The following TXNDC16 variants were observed in gnomAD, a reference collection of about 807,000 sequenced individuals.
TXNDC16 encodes thioredoxin domain-containing protein 16.
Under a neutral mutation model 85.6 loss-of-function variants are expected in TXNDC16, and 74 were observed. That is an observed-to-expected ratio of 0.86 (90% CI 0.72 to 1.05). TXNDC16 has a LOEUF of 1.05. Among genes scored for constraint, TXNDC16 ranks in the 50% least tolerant of loss-of-function variants. The probability of loss-of-function intolerance (pLI) is 0.00; values close to 1 mark genes in which losing one functional copy is unlikely to be tolerated. For missense variants in TXNDC16, 959 were observed against 947.0 expected, an observed-to-expected ratio of 1.01 and a Z score of -0.17; for synonymous variants, 335 against 326.5, an observed-to-expected ratio of 1.03 and a Z score of -0.28.
At chr14:52,450,475 C>T (rs1047459399) in intron 18 of TXNDC16, among the ~76,000 whole-genome samples, 3 of 148,068 alleles carry the variant, frequency 2.0e-5, no homozygotes, top group South Asian at 4.2e-4. Flanking sequence ...AGCCAAAGCT[C>T]GGGACCCAAT....
chr14:52,530,268 AT>A (rs1268826602), intron 6 of TXNDC16, among the ~76,000 whole-genome samples: 6 of 58,388 alleles, frequency 1.0e-4, no homozygotes, highest in Non-Finnish European at 1.6e-4. Context: ...TATAATATAT[AT>A]TATTATTTAA....
In TXNDC16 at chr14:52,519,263, A is replaced by C. The variant is rs1164188586; in HGVS notation, c.423T>G (p.Ile141Met). Residue 141 changes from isoleucine (I) to methionine (M), a missense_variant, in exon 7 of 21, where the codon ATT (isoleucine) becomes ATG (methionine). Coordinates refer to ENST00000281741, the MANE Select transcript of TXNDC16 (RefSeq NM_020784.3). Reference protein sequence around the residue: ...FALLFSEVKYITNLEDLQNIE... With the variant: ...FALLFSEVKYMTNLEDLQNIE... Reference sequence around the variant, plus strand: ...TGTTCTGAAGGTCTTCCAGGTTGGTAATATATTTCACTTCACTAAAAAGAA... The same window carrying C: ...TGTTCTGAAGGTCTTCCAGGTTGGTCATATATTTCACTTCACTAAAAAGAA... The C allele has an allele frequency of 6.2e-7, 1 of 1,602,780 alleles. No individual in the cohort carries two copies. Among genetic ancestry groups the C allele is most frequent in the Admixed American group, 1.7e-5 (1 of 59,778 alleles).
intron 16 of TXNDC16, among the ~76,000 whole-genome samples, chr14:52,467,720 A>C (rs916214380): frequency 6.6e-6 from 1 of 152,252 alleles, no homozygotes; most frequent in Non-Finnish European, 1.5e-5. Context: ...CAGAATTACC[A>C]TATGACCCAG....
At position 52,488,351 on chromosome 14, in the gene TXNDC16, A is replaced by T. The variant is rs375859422; in HGVS notation, c.1108+12T>A. 6.2e-7 allele frequency: 1 copy of T among 1,612,554 alleles called. No homozygotes were observed. Among genetic ancestry groups the T allele is most frequent in the African/African-American group, 1.3e-5 (1 of 74,952 alleles). ...GCAGGATGGGGAAGGGGTGAGAATC[A>T]TAACACATTACCTATATCTGGACCT... On this transcript the variant is annotated intron_variant, in intron 12 of 20. Coordinates refer to ENST00000281741, the MANE Select transcript of TXNDC16 (RefSeq NM_020784.3).
chr14:52,506,418 A>T (rs975262728), intron 9 of TXNDC16, among the ~76,000 whole-genome samples: 1 of 152,110 alleles, frequency 6.6e-6, no homozygotes, highest in Admixed American at 6.5e-5. Flanking sequence ...GGCTGGCTCA[A>T]CATACATAAA....
At chr14:52,443,484 G>T (rs1348028763) in intron 18 of TXNDC16, among the ~76,000 whole-genome samples, 1 of 152,210 alleles carries the variant, frequency 6.6e-6, no homozygotes, top group African/African-American at 2.4e-5. Context: ...TTTAGGAATT[G>T]ATATTTGAGC....
At chr14:52,542,058 G>T (rs1290673621) in intron 4 of TXNDC16, among the ~76,000 whole-genome samples, 3 of 152,010 alleles carry the variant, frequency 2.0e-5, no homozygotes, top group Non-Finnish European at 4.4e-5. Context: ...ATATTCATTA[G>T]GCAAAACAAA....
chr14:52,525,754 T>C (rs545756155), intron 6 of TXNDC16, among the ~76,000 whole-genome samples: 2 of 147,884 alleles, frequency 1.4e-5, no homozygotes, highest in African/African-American at 4.9e-5. Flanking sequence ...TAAATAAAAA[T>C]TTGTTGTTAC....
intron 16 of TXNDC16, among the ~76,000 whole-genome samples, chr14:52,469,215 C>G (rs113018857): frequency 0.024 from 3,572 of 151,784 alleles, 75 homozygotes; most frequent in Middle Eastern, 0.072. Flanking sequence ...GGCATGGTGG[C>G]ACATGTCTGT....
chr14:52,530,535 A>AT (rs1491554937), intron 6 of TXNDC16, among the ~76,000 whole-genome samples: 1 of 1,834 alleles, frequency 5.5e-4, no homozygotes, highest in African/African-American at 7.7e-4. Context: ...TATATATAAT[A>AT]ATATAATATA....
In TXNDC16 at chr14:52,482,307, A is replaced by C; in HGVS notation, c.1253-18T>G. 1 of 1,602,876 alleles carries C rather than the reference A, an allele frequency of 6.2e-7. No homozygotes were observed. The highest frequency in any genetic ancestry group is 1.1e-5 in the South Asian group (1 of 90,306). On this transcript the variant is annotated intron_variant, in intron 13 of 20. Coordinates refer to ENST00000281741, the MANE Select transcript of TXNDC16 (RefSeq NM_020784.3). ...TGCTTGCCCTATATGAAAATTAAAA[A>C]TTCAACAGATATTACATGTATATCT...
At chr14:52,515,013 T>A (rs371511782) in intron 7 of TXNDC16, 43 bp from the exon 8 acceptor site, 22 of 1,421,224 alleles carry the variant, frequency 1.5e-5, no homozygotes, top group Non-Finnish European at 2.2e-5. Context: ...GAAAAAATAG[T>A]TTGTGTGACT....
chr14:52,495,941 C>T (rs1013691715), intron 9 of TXNDC16, among the ~76,000 whole-genome samples: 1 of 152,048 alleles, frequency 6.6e-6, no homozygotes. Context: ...AGGCGGATCA[C>T]GAGGTCAGGA....
At chr14:52,535,476 A>C (rs2037678687) in intron 6 of TXNDC16, among the ~76,000 whole-genome samples, 1 of 152,136 alleles carries the variant, frequency 6.6e-6, no homozygotes, top group Non-Finnish European at 1.5e-5. Context: ...CAGGAGTTAA[A>C]CTACCAATTT....
chr14:52,542,256 T>C (rs1364795806), intron 4 of TXNDC16, 115 bp downstream of exon 4: 3 of 692,624 alleles, frequency 4.3e-6, no homozygotes, highest in Non-Finnish European at 7.1e-6. Context: ...GAAAAAAATA[T>C]ATTTCCAGTT....
At chr14:52,509,642 T>C (rs544500382) in intron 9 of TXNDC16, among the ~76,000 whole-genome samples, 2 of 151,118 alleles carry the variant, frequency 1.3e-5, no homozygotes, top group South Asian at 4.2e-4. Flanking sequence ...TAAAGTATAA[T>C]AATAATAAAA....
chr14:52,489,591 A>G (rs1240495939), intron 11 of TXNDC16, among the ~76,000 whole-genome samples: 2 of 152,354 alleles, frequency 1.3e-5, no homozygotes, highest in East Asian at 1.9e-4. Flanking sequence ...AAATATTCAC[A>G]GAAATTTTTG....
intron 14 of TXNDC16, 127 bp from the exon 15 acceptor site, chr14:52,470,807 CTCTCT>C: frequency 1.3e-6 from 1 of 772,370 alleles, no homozygotes; most frequent in South Asian, 2.3e-5. Context: ...TGCTTAAACA[CTCTCT>C]TCCCTTGATC....
chr14:52,530,295 TATA>T lies in TXNDC16; in HGVS notation c.392+6421_392+6423del, dbSNP rs1213598534. ...TATTATTTAATATATAATTATTATA[TATA>T]ATATTAATATATAATATATAATTAT... On this transcript the variant is annotated intron_variant, in intron 6 of 20. Transcript: ENST00000281741. Among the ~76,000 whole-genome samples, 16 of 57,650 alleles carry T rather than the reference TATA, an allele frequency of 2.8e-4. No individual in the cohort carries two copies. In the East Asian group the frequency reaches 3.1e-3, roughly 11 times the overall value. 37.8% of individuals were successfully genotyped at this position (57,650 alleles called of 152,430 possible). A position where few individuals can be genotyped will look rare whatever the true frequency, so the allele number is the denominator to read the frequency against.
Sources: gnomAD v4.1 joint callset for allele counts (sites outside exome capture counted in the v4.1 genomes callset) on GRCh38, gnomAD v4.1.1 for gene constraint, MANE v1.5 for transcripts, NCBI Gene and HGNC (gene_info 2026-07-23, HGNC 2026-07-21) for gene names.